TNIK: variants seen among roughly 807,000 people sequenced by gnomAD.
The protein encoded by TNIK is TRAF2 and NCK-interacting protein kinase.
TNIK carries 49 observed loss-of-function variants against 191.3 expected under a neutral mutation model. The observed-to-expected ratio is 0.26, with a 90% confidence interval of 0.20 to 0.32. The LOEUF (loss-of-function observed/expected upper bound fraction) is 0.32. TNIK is among the 10% of genes least tolerant of loss of function. The pLI, the probability that TNIK is intolerant of heterozygous loss-of-function variation, is 1.00. For synonymous variants in TNIK, 594 were observed against 600.9 expected (o/e 0.99, Z 0.17); for missense variants, 1,155 against 1,702.3 (o/e 0.68, Z 5.66).
chr3:171,101,726 A>G lies in TNIK; in HGVS notation c.2407-93T>C, dbSNP rs1723598884. ...CAGTGCTCCAGCTTAAGCAACAAGA[A>G]AAAAAAAAGCTCTATATAGAACTGT... On this transcript the variant is annotated intron_variant, in intron 21 of 32. Transcript: ENST00000436636. 3.1e-6 allele frequency: 4 copies of G among 1,299,642 alleles called. No individual in the cohort carries two copies. The South Asian group carries it at 4.2e-5, about 14-fold the overall frequency. The allele number at this position is 1,299,642 out of a possible 1,614,324, so 80.5% of individuals were successfully genotyped here.
chr3:171,108,878 G>A (rs528766366), intron 19 of TNIK, among the ~76,000 whole-genome samples: 1 of 152,276 alleles, frequency 6.6e-6, no homozygotes, highest in South Asian at 2.1e-4. Context: ...CAGCTGCAGA[G>A]TGAATAGCAT....
At chr3:171,290,862 A>T (rs571286936) in intron 2 of TNIK, among the ~76,000 whole-genome samples, 1 of 152,300 alleles carries the variant, frequency 6.6e-6, no homozygotes, top group Non-Finnish European at 1.5e-5. Flanking sequence ...GATAAGTAGG[A>T]AGGAAGGAAG....
At position 171,188,047 on chromosome 3, in the gene TNIK, G is replaced by A. The variant is rs1737585673; in HGVS notation, c.639+655C>T. ...CTGAGGGGCAATAATGCAAAATTAT[G>A]TTTGGTTATTGGCTAGCAGAATAGA... On this transcript the variant is annotated intron_variant, in intron 7 of 32. Transcript: ENST00000436636. 2.0e-5 allele frequency among the ~76,000 whole-genome samples: 3 copies of A among 152,220 alleles called. No homozygotes were observed. The South Asian group carries it at 6.2e-4, about 32-fold the overall frequency.
chr3:171,374,694 G>C (rs542698168), intron 1 of TNIK, among the ~76,000 whole-genome samples: 1 of 152,202 alleles, frequency 6.6e-6, no homozygotes, highest in East Asian at 1.9e-4. Flanking sequence ...CATATCAAAA[G>C]GTAGACTATT....
intron 4 of TNIK, 51 bp downstream of exon 4, chr3:171,211,065 G>A: frequency 6.3e-7 from 1 of 1,597,738 alleles, no homozygotes; most frequent in Non-Finnish European, 8.5e-7. Flanking sequence ...GAACCATTTG[G>A]CCGTGTTTGT....
At chr3:171,123,049 A>G (rs927277177) in intron 18 of TNIK, among the ~76,000 whole-genome samples, 1 of 152,232 alleles carries the variant, frequency 6.6e-6, no homozygotes, top group Non-Finnish European at 1.5e-5. Flanking sequence ...ACTGTATTTC[A>G]GTGACCTTTG....
intron 1 of TNIK, among the ~76,000 whole-genome samples, chr3:171,405,839 G>A (rs1209893208): frequency 6.6e-6 from 1 of 152,002 alleles, no homozygotes; most frequent in Admixed American, 6.6e-5. Flanking sequence ...ACACCAAAAG[G>A]GTCACAGTCT....
intron 2 of TNIK, among the ~76,000 whole-genome samples, chr3:171,357,145 G>A (rs1366821187): frequency 6.6e-6 from 1 of 152,098 alleles, no homozygotes; most frequent in South Asian, 2.1e-4. Context: ...GGCGGACACT[G>A]TTTTTACTTA....
At chr3:171,376,762 A>AGATAGATAGATAGAT (rs1386105049) in intron 1 of TNIK, among the ~76,000 whole-genome samples, 3 of 152,056 alleles carry the variant, frequency 2.0e-5, no homozygotes, top group African/African-American at 7.2e-5. Context: ...ATAGATAGAT[A>AGATAGATAGATAGAT]GATAGATAGA....
At chr3:171,457,422 G>A (rs183865851) in intron 1 of TNIK, among the ~76,000 whole-genome samples, 182 of 152,286 alleles carry the variant, frequency 1.2e-3, no homozygotes, top group Non-Finnish European at 2.3e-3. Context: ...CCGAAACAGC[G>A]AGGGACTGGT....
In TNIK at chr3:171,085,088, T is replaced by G. The variant is rs749451034; in HGVS notation, c.2998+30A>C. The G allele has an allele frequency of 1.0e-5, 16 of 1,560,196 alleles. No individual in the cohort carries two copies. The Admixed American group carries it at 3.0e-4, about 30-fold the overall frequency. On this transcript the variant is annotated intron_variant, in intron 25 of 32. Coordinates refer to ENST00000436636, the MANE Select transcript of TNIK (RefSeq NM_015028.4). ...CATACCAGAAAGGAAGACGAAGCTG[T>G]TTTTTAAACACAGGGCCCTTCTTGC...
chr3:171,412,817 T>A (rs556487248), intron 1 of TNIK, among the ~76,000 whole-genome samples: 78 of 152,338 alleles, frequency 5.1e-4, no homozygotes, highest in Admixed American at 2.2e-3. Context: ...ATCTAATTCT[T>A]ATAATTGGTT....
intron 2 of TNIK, among the ~76,000 whole-genome samples, chr3:171,286,943 T>C (rs777367041): frequency 6.6e-6 from 1 of 152,222 alleles, no homozygotes; most frequent in Non-Finnish European, 1.5e-5. Flanking sequence ...CTTTTTGTAT[T>C]CATATCTGTT....
intron 4 of TNIK, among the ~76,000 whole-genome samples, chr3:171,207,184 A>C (rs1291368211): frequency 6.6e-6 from 1 of 152,112 alleles, no homozygotes; most frequent in African/African-American, 2.4e-5. Flanking sequence ...TTTCCTTTGG[A>C]TATATATCCA....
At position 171,202,213 on chromosome 3, in the gene TNIK, G is replaced by T. The variant is rs529220025; in HGVS notation, c.307-7578C>A. ...TGCAAAATTTTCTGCATATATATAT[G>T]TTTTTTTTTTGGTAGGAGTAAGTCA... On this transcript the variant is annotated intron_variant, in intron 4 of 32. Coordinates refer to ENST00000436636, the MANE Select transcript of TNIK (RefSeq NM_015028.4). Among the ~76,000 whole-genome samples, 606 of 146,896 alleles carry T rather than the reference G, an allele frequency of 4.1e-3. 5 individuals carry two copies. The highest frequency in any genetic ancestry group is 0.015 in the African/African-American group (572 of 38,956).
At chr3:171,443,312 CA>C (rs1256271824) in intron 1 of TNIK, among the ~76,000 whole-genome samples, 1 of 152,170 alleles carries the variant, frequency 6.6e-6, no homozygotes, top group Non-Finnish European at 1.5e-5. Flanking sequence ...CTCCCAAACT[CA>C]AAGGGCCCTT....
chr3:171,191,226 T>C (rs1738025835), intron 5 of TNIK, among the ~76,000 whole-genome samples: 1 of 152,248 alleles, frequency 6.6e-6, no homozygotes, highest in Non-Finnish European at 1.5e-5. Context: ...AGTTAAAATT[T>C]ACATTCTGTT....
At chr3:171,233,321 G>A (rs928786422) in intron 2 of TNIK, among the ~76,000 whole-genome samples, 2 of 150,476 alleles carry the variant, frequency 1.3e-5, no homozygotes, top group East Asian at 1.9e-4. Flanking sequence ...TTCAAAACAC[G>A]CATCACCAGA....
intron 12 of TNIK, among the ~76,000 whole-genome samples, chr3:171,150,409 G>A (rs185371806): frequency 6.2e-4 from 95 of 152,258 alleles, no homozygotes; most frequent in African/African-American, 1.9e-3. Context: ...GAACTGCCAC[G>A]TTCTCACCCT....
Sources: gnomAD v4.1 joint callset for allele counts (sites outside exome capture counted in the v4.1 genomes callset) on GRCh38, gnomAD v4.1.1 for gene constraint, MANE v1.5 for transcripts, NCBI Gene and HGNC (gene_info 2026-07-23, HGNC 2026-07-21) for gene names.